ERO1B: variants seen among roughly 807,000 people sequenced by gnomAD.
The protein encoded by ERO1B is ERO1-like protein beta.
A neutral mutation model predicts 75.3 loss-of-function variants in ERO1B; 49 were observed. That is an observed-to-expected ratio of 0.65 (90% CI 0.52 to 0.83). The LOEUF (loss-of-function observed/expected upper bound fraction) is 0.83, where lower values mean the gene tolerates loss of function less well. Ranked by LOEUF, ERO1B falls within the 40% of genes least tolerant of loss-of-function variation. The pLI, the probability that ERO1B is intolerant of heterozygous loss-of-function variation, is 0.00. For synonymous variants in ERO1B, 191 were observed against 192.9 expected (o/e 0.99, Z 0.08); for missense variants, 512 against 560.1 (o/e 0.91, Z 0.87).
intron 1 of ERO1B, among the ~76,000 whole-genome samples, chr1:236,280,141 G>T (rs1193684957): frequency 6.6e-6 from 1 of 151,802 alleles, no homozygotes; most frequent in African/African-American, 2.4e-5. Flanking sequence ...TAAAAATACA[G>T]GTGAAATTAT....
At chr1:236,225,957 T>C (rs910171778) in intron 12 of ERO1B, among the ~76,000 whole-genome samples, 8 of 152,094 alleles carry the variant, frequency 5.3e-5, no homozygotes, top group Non-Finnish European at 7.4e-5. Flanking sequence ...GTAAATAAAG[T>C]GACTAGAAGA....
At chr1:236,250,618 T>TCTATAG (rs1665001688) in intron 4 of ERO1B, among the ~76,000 whole-genome samples, 1 of 110,236 alleles carries the variant, frequency 9.1e-6, no homozygotes, top group Non-Finnish European at 1.9e-5. Flanking sequence ...TATATATATA[T>TCTATAG]CAAACGTGTG....
At chr1:236,235,337 C>A (rs954561427) in intron 8 of ERO1B, among the ~76,000 whole-genome samples, 3 of 152,186 alleles carry the variant, frequency 2.0e-5, no homozygotes, top group Non-Finnish European at 4.4e-5. Context: ...TGTATGCACA[C>A]TGAAGTCTAG....
chr1:236,223,713 A>G (rs749921904), intron 13 of ERO1B, among the ~76,000 whole-genome samples: 7 of 152,226 alleles, frequency 4.6e-5, no homozygotes, highest in Non-Finnish European at 5.9e-5. Flanking sequence ...AAACATACAT[A>G]ATTATAGTTG....
chr1:236,277,491 A>C (rs1436194923), intron 1 of ERO1B, among the ~76,000 whole-genome samples: 1 of 152,212 alleles, frequency 6.6e-6, no homozygotes, highest in Non-Finnish European at 1.5e-5. Context: ...CAGGAAAGAA[A>C]GAGAAGATTA....
At chr1:236,265,045 CTCTT>C (rs1270785858) in intron 2 of ERO1B, among the ~76,000 whole-genome samples, 3 of 71,950 alleles carry the variant, frequency 4.2e-5, no homozygotes, top group African/African-American at 6.7e-5. Flanking sequence ...TTATTTTTTT[CTCTT>C]TTTTTTTTTT....
intron 3 of ERO1B, 124 bp downstream of exon 3, chr1:236,253,298 G>A: frequency 4.7e-6 from 3 of 632,640 alleles, no homozygotes. Context: ...GGAGAGAGCT[G>A]AGAGCATATG....
At chr1:236,278,573 A>G (rs1726621) in intron 1 of ERO1B, among the ~76,000 whole-genome samples, 67,455 of 151,740 alleles carry the variant, frequency 0.44, 15,505 homozygotes, top group Middle Eastern at 0.51. Flanking sequence ...AGCACTATTT[A>G]AGTTCTAAGT....
chr1:236,245,297 A>AT (rs1553371924), intron 5 of ERO1B, among the ~76,000 whole-genome samples: 1 of 34,778 alleles, frequency 2.9e-5, no homozygotes, highest in Non-Finnish European at 5.2e-5. Flanking sequence ...GCCCAGTCAA[A>AT]ATATATATAT....
At chr1:236,249,860 T>C (rs778894062) in intron 5 of ERO1B, 25 bp downstream of exon 5, 4 of 1,502,268 alleles carry the variant, frequency 2.7e-6, no homozygotes, top group Non-Finnish European at 3.6e-6. Flanking sequence ...GAATATTTTC[T>C]TAATATTACC....
At position 236,216,677 on chromosome 1, in the gene ERO1B, A is replaced by C. The variant is rs1001503275; in HGVS notation, c.*1839T>G. 1.3e-5 allele frequency: 2 copies of C among 152,108 alleles called. No individual in the cohort carries two copies. The highest frequency in any genetic ancestry group is 2.9e-5 in the Non-Finnish European group (2 of 67,954). 9.4% of individuals were successfully genotyped at this position (152,108 alleles called of 1,614,324 possible). ...TTTTCTCCAGTAAACAGTTTAAATA[A>C]TAGCCTTTAACTGAGGGAGTGGTGA... On this transcript the variant is annotated 3_prime_UTR_variant, in exon 16 of 16. Transcript: ENST00000354619.
At chr1:236,250,245 G>C (rs182440924) in intron 4 of ERO1B, among the ~76,000 whole-genome samples, 1 of 152,004 alleles carries the variant, frequency 6.6e-6, no homozygotes, top group Non-Finnish European at 1.5e-5. Flanking sequence ...CAAGGCGGGC[G>C]GATCACTTGA....
rs568090559 is a variant in ERO1B at position 236,220,707 on chromosome 1, C to T, written c.1343+125G>A. 61 of 980,494 alleles carry T rather than the reference C, an allele frequency of 6.2e-5. No individual in the cohort carries two copies. In the African/African-American group the frequency reaches 7.8e-4, roughly 13 times the overall value. 60.7% of individuals were successfully genotyped at this position (980,494 alleles called of 1,614,324 possible). On this transcript the variant is annotated intron_variant, in intron 15 of 15. Transcript: ENST00000354619. ...GCATTAAGGCCTCTCTAAGTTAGTA[C>T]AGATACAATATAAAATTTTTTTTTG...
intron 15 of ERO1B, 93 bp from the exon 16 acceptor site, chr1:236,218,669 CA>C: frequency 9.2e-7 from 1 of 1,091,134 alleles, no homozygotes; most frequent in Non-Finnish European, 1.2e-6. Flanking sequence ...AATTTGAAAG[CA>C]AAACCTAAAA....
rs1450776646 is a variant in ERO1B at position 236,216,127 on chromosome 1, A to T, written c.*2389T>A. 2.6e-5 allele frequency: 4 copies of T among 152,158 alleles called. No homozygotes were observed. The highest frequency in any genetic ancestry group is 9.7e-5 in the African/African-American group (4 of 41,440). The allele number at this position is 152,158 out of a possible 1,614,324, so 9.4% of individuals were successfully genotyped here. On this transcript the variant is annotated 3_prime_UTR_variant, in exon 16 of 16. Coordinates refer to ENST00000354619, the MANE Select transcript of ERO1B (RefSeq NM_019891.4). ...ATAGATGCCACTTAAGTAAAAAATAAACTTACGCCATTGAAGGAAGGAATA... is the reference window on the plus strand; with the variant it reads ...ATAGATGCCACTTAAGTAAAAAATATACTTACGCCATTGAAGGAAGGAATA...
At chr1:236,243,369 T>A (rs1018909069) in intron 6 of ERO1B, 53 bp downstream of exon 6, 4 of 1,236,616 alleles carry the variant, frequency 3.2e-6, no homozygotes, top group Non-Finnish European at 4.5e-6. Context: ...TTAAAATGTC[T>A]TATAAAAGGG....
At chr1:236,239,699 T>C (rs982746189) in intron 6 of ERO1B, among the ~76,000 whole-genome samples, 21 of 151,170 alleles carry the variant, frequency 1.4e-4, no homozygotes, top group African/African-American at 5.1e-4. Flanking sequence ...CACAAAAGTT[T>C]TATCTTCTTT....
rs1444978948 is a variant in ERO1B, at chr1:236,281,800, A to G, written c.-17T>C. The G allele has an allele frequency of 7.2e-7, 1 of 1,398,476 alleles. No individual in the cohort carries two copies. Among genetic ancestry groups the G allele is most frequent in the South Asian group, 1.4e-5 (1 of 70,530 alleles). 86.6% of individuals were successfully genotyped at this position (1,398,476 alleles called of 1,614,324 possible). A position where few individuals can be genotyped will look rare whatever the true frequency, so the allele number is the denominator to read the frequency against. ...TTGGCTCATGCTGACCTCTACCCACACCGCGGCCAGCCGGACCCCTCGGGG... is the reference window on the plus strand; with the variant it reads ...TTGGCTCATGCTGACCTCTACCCACGCCGCGGCCAGCCGGACCCCTCGGGG... On this transcript the variant is annotated 5_prime_UTR_variant, in exon 1 of 16. Coordinates refer to ENST00000354619, the MANE Select transcript of ERO1B (RefSeq NM_019891.4).
rs1459692362 is a variant in ERO1B, at chr1:236,226,304, T to C, written c.1017A>G (p.Thr339=). The part of the protein sequence containing the change: ...YTGNAEEDAD[T]KTLLLNIFQD... ...GAAAGATATTCAGTAGAAGAGTTTT[T>C]GTGTCAGCATCTTCTTCTGCATTTC... Residue 339 remains threonine, a synonymous_variant, in exon 12 of 16, where the codon ACA becomes ACG. Coordinates refer to ENST00000354619, the MANE Select transcript of ERO1B (RefSeq NM_019891.4). 6.2e-7 allele frequency: 1 copy of C among 1,613,996 alleles called. No homozygotes were observed. The highest frequency in any genetic ancestry group is 8.5e-7 in the Non-Finnish European group (1 of 1,179,904).
Sources: allele counts gnomAD v4.1 joint callset (sites outside exome capture counted in the v4.1 genomes callset), GRCh38; gene constraint gnomAD v4.1.1; transcripts MANE v1.5; gene names NCBI Gene and HGNC (gene_info 2026-07-23, HGNC 2026-07-21).